Variants in PRKCH observed in about 807,000 individuals in gnomAD.
The protein encoded by PRKCH is protein kinase C eta.
In PRKCH, 28 loss-of-function variants were observed where a neutral mutation model predicts 82.5. That is an observed-to-expected ratio of 0.34 (90% CI 0.25 to 0.47). PRKCH has a LOEUF of 0.47. Among genes scored for constraint, PRKCH ranks in the 20% least tolerant of loss-of-function variants. The pLI, the probability that PRKCH is intolerant of heterozygous loss-of-function variation, is 1.00. For synonymous variants in PRKCH, 322 were observed against 327.4 expected (o/e 0.98, Z 0.18); for missense variants, 705 against 881.8 (o/e 0.80, Z 2.54).
At chr14:61,438,666 C>A (rs1354152297) in intron 2 of PRKCH, among the ~76,000 whole-genome samples, 1 of 152,280 alleles carries the variant, frequency 6.6e-6, no homozygotes, top group South Asian at 2.1e-4. Context: ...CAGAGACATA[C>A]TCCTCATCCA....
chr14:61,510,780 C>A (rs1092751), intron 10 of PRKCH, among the ~76,000 whole-genome samples: 99,535 of 151,944 alleles, frequency 0.66, 37,722 homozygotes, highest in Middle Eastern at 0.84. Context: ...CCCTGAACAA[C>A]CCTAGGGAGT....
intron 10 of PRKCH, among the ~76,000 whole-genome samples, chr14:61,524,436 G>T (rs570191187): frequency 6.6e-6 from 1 of 152,218 alleles, no homozygotes; most frequent in African/African-American, 2.4e-5. Flanking sequence ...TGGCAAGCCG[G>T]TAACTGTGGT....
chr14:61,206,293 GGAA>G (rs2044523436), intron 1 of PRKCH, among the ~76,000 whole-genome samples: 1 of 152,264 alleles, frequency 6.6e-6, no homozygotes, highest in East Asian at 1.9e-4. Context: ...AAGGCTCTAG[GGAA>G]GAAGGCTTCC....
intron 10 of PRKCH, among the ~76,000 whole-genome samples, chr14:61,504,262 C>T (rs973901695): frequency 8.6e-5 from 13 of 151,900 alleles, no homozygotes; most frequent in Non-Finnish European, 1.9e-4. Context: ...GATCTCGGCT[C>T]ACTGCAACCT....
At chr14:61,512,223 G>A (rs1887408566) in intron 10 of PRKCH, among the ~76,000 whole-genome samples, 1 of 147,626 alleles carries the variant, frequency 6.8e-6, no homozygotes, top group South Asian at 2.2e-4. Context: ...ACTACATCCT[G>A]AAACTGGGCA....
chr14:61,443,128 C>T lies in PRKCH; in HGVS notation c.445C>T (p.Arg149Trp), dbSNP rs748623872. Residue 149 changes from arginine (R) to tryptophan (W), a missense_variant, in exon 3 of 14, where the codon CGG (arginine) becomes TGG (tryptophan). By Grantham distance (101) the Arg-to-Trp change is moderately radical. This residue lies in a region of PRKCH where 246 missense variants were observed against 308.0 expected (regional missense o/e 0.80). Coordinates refer to ENST00000332981, the MANE Select transcript of PRKCH (RefSeq NM_006255.5). ...ATATATAGCTACTCTCCAGAGAGAC[C>T]GGATCTTCAAACATTTTACCAGGAA... ...SFTEATLQRD[R>W]IFKHFTRKRQ... The T allele has an allele frequency of 1.9e-5, 31 of 1,613,504 alleles. No homozygotes were observed. Among genetic ancestry groups the T allele is most frequent in the Admixed American group, 6.7e-5 (4 of 59,978 alleles).
chr14:61,286,831 C>T (rs2045320354), intron 1 of PRKCH, among the ~76,000 whole-genome samples: 1 of 151,760 alleles, frequency 6.6e-6, no homozygotes, highest in Admixed American at 6.6e-5. Context: ...TTGCAGGGGG[C>T]AGTATAAAGT....
intron 1 of PRKCH, among the ~76,000 whole-genome samples, chr14:61,190,182 TATAATA>T (rs2044398183): frequency 6.6e-6 from 1 of 152,224 alleles, no homozygotes; most frequent in African/African-American, 2.4e-5. Flanking sequence ...TGGGGACTGT[TATAATA>T]ATAAGTTATG....
intron 1 of PRKCH, among the ~76,000 whole-genome samples, chr14:61,202,337 G>T (rs750332736): frequency 2.6e-5 from 4 of 152,200 alleles, no homozygotes; most frequent in Non-Finnish European, 5.9e-5. Flanking sequence ...CTTCCGGTCT[G>T]TGTCTTACCA....
At chr14:61,326,619 C>G (rs771508470) in intron 1 of PRKCH, among the ~76,000 whole-genome samples, 1 of 152,140 alleles carries the variant, frequency 6.6e-6, no homozygotes, top group Non-Finnish European at 1.5e-5. Flanking sequence ...GGAAAAAAAC[C>G]AATCAGCGCT....
intron 12 of PRKCH, chr14:61,544,534 A>T (rs559797050): frequency 9.2e-5 from 14 of 152,220 alleles, no homozygotes; most frequent in Non-Finnish European, 1.8e-4. Context: ...CTCAAATTTC[A>T]ATGTCTCTGA....
At chr14:61,492,241 G>A (rs1886478877) in intron 10 of PRKCH, 1 of 152,228 alleles carries the variant, frequency 6.6e-6, no homozygotes, top group South Asian at 2.1e-4. Context: ...AACACTCCTT[G>A]TAAATAATTT....
At chr14:61,360,460 G>C (rs545819306) in intron 1 of PRKCH, among the ~76,000 whole-genome samples, 1 of 151,898 alleles carries the variant, frequency 6.6e-6, no homozygotes, top group Admixed American at 6.6e-5. Flanking sequence ...AGCCGAAGTC[G>C]CGCCACTGCA....
chr14:61,401,542 T>TTGA (rs1190574596), intron 2 of PRKCH, among the ~76,000 whole-genome samples: 3 of 152,224 alleles, frequency 2.0e-5, no homozygotes, highest in African/African-American at 7.2e-5. Context: ...CCCCACTGTG[T>TTGA]TGACATTTGC....
At chr14:61,383,860 A>G (rs969454657) in intron 1 of PRKCH, among the ~76,000 whole-genome samples, 4 of 152,258 alleles carry the variant, frequency 2.6e-5, no homozygotes, top group Middle Eastern at 3.4e-3. Flanking sequence ...TAAAGTGACA[A>G]TGGAAGGAAG....
At chr14:61,485,726 C>T (rs1594754612) in intron 10 of PRKCH, 70 bp downstream of exon 10, 4 of 1,503,430 alleles carry the variant, frequency 2.7e-6, no homozygotes, top group Middle Eastern at 1.8e-4. Flanking sequence ...TCCATCCTTC[C>T]ACTTCTCATG....
Position 61,259,397 on chromosome 14 carries a change from C to T in PRKCH, c.-19+71729C>T, listed in dbSNP as rs566852950. ...ATCTTCATTCACACTGACTGACTAACGATACCAATATAAATAAAGTGCTTT... is the reference window on the plus strand; with the variant it reads ...ATCTTCATTCACACTGACTGACTAATGATACCAATATAAATAAAGTGCTTT... On this transcript the variant is annotated intron_variant, in intron 1 of 3. Coordinates refer to the PRKCH transcript ENST00000555185. 4.6e-5 allele frequency among the ~76,000 whole-genome samples: 7 copies of T among 152,176 alleles called. No homozygotes were observed. The South Asian group carries it at 1.2e-3, about 27-fold the overall frequency.
intron 1 of PRKCH, among the ~76,000 whole-genome samples, chr14:61,359,761 G>T (rs1415311126): frequency 6.6e-6 from 1 of 152,198 alleles, no homozygotes. Context: ...GCCATATGTG[G>T]CTATTTAAGT....
At chr14:61,406,859 G>A (rs1881978738) in intron 2 of PRKCH, among the ~76,000 whole-genome samples, 1 of 152,044 alleles carries the variant, frequency 6.6e-6, no homozygotes, top group Non-Finnish European at 1.5e-5. Flanking sequence ...CAGTAGACAG[G>A]CATGGCTCCA....
Sources: gnomAD v4.1 joint callset for allele counts (sites outside exome capture counted in the v4.1 genomes callset) on GRCh38, gnomAD v4.1.1 for gene constraint, gnomAD v4.1.1 regional missense constraint, MANE v1.5 for transcripts, NCBI Gene and HGNC (gene_info 2026-07-23, HGNC 2026-07-21) for gene names.